Variants in FGL2 observed in about 807,000 individuals in gnomAD.
FGL2 encodes fibrinogen like 2, also known as fibroleukin.
Under a neutral mutation model 36.0 loss-of-function variants are expected in FGL2, and 21 were observed. That is an observed-to-expected ratio of 0.58 (90% CI 0.41 to 0.84). FGL2 has a LOEUF of 0.84. Among genes scored for constraint, FGL2 ranks in the 40% least tolerant of loss-of-function variants. The pLI, the probability that FGL2 is intolerant of heterozygous loss-of-function variation, is 0.00. For missense variants in FGL2, 444 were observed against 526.3 expected (o/e 0.84, Z 1.53); for synonymous variants, 183 against 190.7 (o/e 0.96, Z 0.33).
chr7:77,195,534 T>A lies in FGL2; in HGVS notation c.*745A>T, dbSNP rs1791851187. On this transcript the variant is annotated 3_prime_UTR_variant, in exon 2 of 2. Transcript: ENST00000248598. ...TGCAAAGTAAATGATATAGATTAAG[T>A]TTGTCTCAGAATGAAGATTACCCAA... is the stretch of plus-strand genomic sequence containing the variant. The A allele has an allele frequency of 6.6e-6, 1 of 152,124 alleles. No homozygotes were observed. The highest frequency in any genetic ancestry group is 1.5e-5 in the Non-Finnish European group (1 of 68,034). The allele number at this position is 152,124 out of a possible 1,614,324, so 9.4% of individuals were successfully genotyped here. A position where few individuals can be genotyped will look rare whatever the true frequency, so the allele number is the denominator to read the frequency against.
In FGL2 at chr7:77,199,376, G is replaced by A. The variant is rs1791938303; in HGVS notation, c.418C>T (p.Leu140=). 1.9e-6 allele frequency: 3 copies of A among 1,613,978 alleles called. No individual in the cohort carries two copies. The highest frequency in any genetic ancestry group is 2.5e-6 in the Non-Finnish European group (3 of 1,179,982). Residue 140 remains leucine (L), a synonymous_variant, in exon 1 of 2, where the codon CTG becomes TTG. Transcript: ENST00000248598. ...TTGGCATTCTTTAGCTCAGAGGACA[G>A]CTTGTTAACCTCACTCTCTAATTCT... ...VRELESEVNK[L]SSELKNAKEE...
intron 1 of FGL2, among the ~76,000 whole-genome samples, chr7:77,197,878 T>C (rs1456206871): frequency 1.3e-5 from 2 of 152,176 alleles, no homozygotes; most frequent in Non-Finnish European, 2.9e-5. Context: ...TAATAATCAG[T>C]TAACAAAGTT....
Position 77,196,126 on chromosome 7 carries a change from C to T in FGL2, c.*153G>A, listed in dbSNP as rs1791863971. ...GACTCCTTTAAAATGCATTGTTTTT[C>T]AGCTTTATTTCAAATGCTGTGTAGC... On this transcript the variant is annotated 3_prime_UTR_variant, in exon 2 of 2. Coordinates refer to ENST00000248598, the MANE Select transcript of FGL2 (RefSeq NM_006682.3). The surrounding 1 kb of genome is among the most constrained non-coding windows in gnomAD (Gnocchi z 4.2). 9.9e-6 allele frequency: 6 copies of T among 604,174 alleles called. No individual in the cohort carries two copies. The highest frequency in any genetic ancestry group is 1.7e-5 in the Non-Finnish European group (6 of 350,896). 37.4% of individuals were successfully genotyped at this position (604,174 alleles called of 1,614,324 possible).
In FGL2 at chr7:77,193,502, G is replaced by C. The variant is rs374947735; in HGVS notation, c.*2777C>G. 6.6e-6 allele frequency: 1 copy of C among 152,136 alleles called. No individual in the cohort carries two copies. The highest frequency in any genetic ancestry group is 2.4e-5 in the African/African-American group (1 of 41,428). 9.4% of individuals were successfully genotyped at this position (152,136 alleles called of 1,614,324 possible). A position where few individuals can be genotyped will look rare whatever the true frequency, so the allele number is the denominator to read the frequency against. ...CATAAAAGAAAAGAATTTTAAACAA[G>C]AGCTTATTGTGATGACATTACTCAT... On this transcript the variant is annotated 3_prime_UTR_variant, in exon 2 of 2. Coordinates refer to ENST00000248598, the MANE Select transcript of FGL2 (RefSeq NM_006682.3).
rs994645056 is a variant in FGL2, at chr7:77,194,611, C to T, written c.*1668G>A. The stretch of plus-strand genomic sequence containing the variant: ...TGAAAAATTAGCTTGTTACCTGAAG[C>T]AACTATCCTCCTTAATCATTTTAAA... On this transcript the variant is annotated 3_prime_UTR_variant, in exon 2 of 2. Transcript: ENST00000248598. The T allele has an allele frequency of 6.6e-6, 1 of 152,004 alleles. No individual in the cohort carries two copies. Among genetic ancestry groups the T allele is most frequent in the African/African-American group, 2.4e-5 (1 of 41,432 alleles). The allele number at this position is 152,004 out of a possible 1,614,324, so 9.4% of individuals were successfully genotyped here.
At chr7:77,198,165 G>A in intron 1 of FGL2, 1 of 985,444 alleles carries the variant, frequency 1.0e-6, no homozygotes, top group Non-Finnish European at 1.2e-6. Flanking sequence ...GGTACATTCA[G>A]ATGCAGGCTG....
intron 1 of FGL2, 115 bp downstream of exon 1, chr7:77,199,066 A>G: frequency 1.1e-6 from 1 of 906,784 alleles, no homozygotes; most frequent in Non-Finnish European, 1.7e-6. Flanking sequence ...ACCTTGATAA[A>G]TAAAAGACTT....
Position 77,199,476 on chromosome 7 carries a change from G to C in FGL2, c.318C>G (p.Asn106Lys). 1 of 1,614,074 alleles carries C rather than the reference G, an allele frequency of 6.2e-7. No homozygotes were observed. The highest frequency in any genetic ancestry group is 8.5e-7 in the Non-Finnish European group (1 of 1,180,012). Residue 106 changes from asparagine (N) to lysine (K), a missense_variant, in exon 1 of 2, where the codon AAC becomes AAG. By Grantham distance (94) the Asn-to-Lys change is moderately conservative. Transcript: ENST00000248598. ...CQDCKLQADD[N>K]GDPGRNGLLL... ...ACAGTCCGTTTCTGCCTGGGTCTCC[G>C]TTGTCATCAGCCTGCAGCTTGCAGT... is the stretch of plus-strand genomic sequence containing the variant.
In FGL2 at chr7:77,199,418, C is replaced by T. The variant is rs754376653; in HGVS notation, c.376G>A (p.Gly126Ser). Residue 126 changes from glycine to serine, a missense_variant, in exon 1 of 2, where the codon GGT (glycine) becomes AGT (serine). Coordinates refer to ENST00000248598, the MANE Select transcript of FGL2 (RefSeq NM_006682.3). The part of the protein sequence containing the change: ...LPSTGAPGEV[G>S]DNRVRELESE... ...TCTAATTCTCTAACTCTGTTATCAC[C>T]AACCTCTCCCGGGGCTCCTGTACTG... is the stretch of plus-strand genomic sequence containing the variant. The T allele has an allele frequency of 1.2e-6, 2 of 1,614,150 alleles. No homozygotes were observed. The highest frequency in any genetic ancestry group is 2.2e-5 in the South Asian group (2 of 91,088).
rs1172556179 is a variant in FGL2, at chr7:77,199,002, ATTAGG to A, written c.613+174_613+178del. The A allele has an allele frequency of 6.4e-5, 39 of 605,828 alleles. No individual in the cohort carries two copies. The East Asian group carries it at 1.1e-3, about 17-fold the overall frequency. The allele number at this position is 605,828 out of a possible 1,614,324, so 37.5% of individuals were successfully genotyped here. On this transcript the variant is annotated intron_variant, in intron 1 of 1. Coordinates refer to ENST00000248598, the MANE Select transcript of FGL2 (RefSeq NM_006682.3). The stretch of plus-strand genomic sequence containing the variant: ...TACAGAACTAACTATGATTTTTGTA[ATTAGG>A]TCATATTTATGTGGTCATATTTGAG...
In FGL2 at chr7:77,194,832, T is replaced by C. The variant is rs1041756640; in HGVS notation, c.*1447A>G. Reference sequence around the variant, plus strand: ...TCTCTGAGATGATCCCTTTTTACGATGATGAAATTAAACACATTTAAAAAG... The same window carrying C: ...TCTCTGAGATGATCCCTTTTTACGACGATGAAATTAAACACATTTAAAAAG... On this transcript the variant is annotated 3_prime_UTR_variant, in exon 2 of 2. Coordinates refer to ENST00000248598, the MANE Select transcript of FGL2 (RefSeq NM_006682.3). 9 of 152,272 alleles carry C rather than the reference T, an allele frequency of 5.9e-5. No homozygotes were observed. The highest frequency in any genetic ancestry group is 5.2e-4 in the Admixed American group (8 of 15,292). The allele number at this position is 152,272 out of a possible 1,614,324, so 9.4% of individuals were successfully genotyped here. A position where few individuals can be genotyped will look rare whatever the true frequency, so the allele number is the denominator to read the frequency against.
Position 77,196,556 on chromosome 7 carries a change from T to C in FGL2, c.1043A>G (p.His348Arg), listed in dbSNP as rs746412322. The part of the protein sequence containing the change: ...TAGDALRFNK[H>R]YNHDLKFFTT... ...GAAAAACTTCAGATCGTGGTTGTAA[T>C]GTTTGTTGAAACGTAATGCATCTCC... is the stretch of plus-strand genomic sequence containing the variant. Residue 348 changes from histidine to arginine, a missense_variant, in exon 2 of 2, where the codon CAT becomes CGT. By Grantham distance (29) the His-to-Arg change is conservative. Transcript: ENST00000248598. The surrounding 1 kb of genome is among the most constrained non-coding windows in gnomAD (Gnocchi z 4.2). 5.0e-6 allele frequency: 8 copies of C among 1,614,216 alleles called. No homozygotes were observed. The highest frequency in any genetic ancestry group is 1.3e-5 in the African/African-American group (1 of 75,066).
chr7:77,199,135 G>A (rs1422091217), intron 1 of FGL2, 46 bp downstream of exon 1: 1 of 1,516,036 alleles, frequency 6.6e-7, no homozygotes, highest in Admixed American at 1.8e-5. Flanking sequence ...CTCTCTAGCT[G>A]TATAACATTT....
rs200498515 is a variant in FGL2 at position 77,196,996 on chromosome 7, A to G, written c.614-11T>C. 1.0e-3 allele frequency: 1,511 copies of G among 1,507,488 alleles called. 5 individuals carry two copies. Among genetic ancestry groups the G allele is most frequent in the Non-Finnish European group, 1.3e-3 (1,390 of 1,097,524 alleles). The allele number at this position is 1,507,488 out of a possible 1,614,324, so 93.4% of individuals were successfully genotyped here. A position where few individuals can be genotyped will look rare whatever the true frequency, so the allele number is the denominator to read the frequency against. On this transcript the variant is annotated splice_polypyrimidine_tract_variant and intron_variant, in intron 1 of 1. Transcript: ENST00000248598. This position sits in a 1 kb window ranked among gnomAD's most constrained non-coding sequence, Gnocchi z 4.2. ...ATATTAGATGTTGAACTGAAGGGGA[A>G]ATAAAAGGAAGGCATTGGATCTTGT...
chr7:77,199,133 C>G (rs1481180201), intron 1 of FGL2, 48 bp downstream of exon 1: 1 of 1,496,584 alleles, frequency 6.7e-7, no homozygotes, highest in African/African-American at 1.4e-5. Context: ...TACTCTCTAG[C>G]TGTATAACAT....
Position 77,195,371 on chromosome 7 carries a change from G to A in FGL2, c.*908C>T, listed in dbSNP as rs920302280. On this transcript the variant is annotated 3_prime_UTR_variant, in exon 2 of 2. Coordinates refer to ENST00000248598, the MANE Select transcript of FGL2 (RefSeq NM_006682.3). ...CATTGCTTTCTGAATGCTTTTTGGG[G>A]TGACATTATGCTACCACATTTTTAA... The A allele has an allele frequency of 2.0e-5, 3 of 152,084 alleles. No individual in the cohort carries two copies. Among genetic ancestry groups the A allele is most frequent in the Non-Finnish European group, 2.9e-5 (2 of 68,006 alleles). The allele number at this position is 152,084 out of a possible 1,614,324, so 9.4% of individuals were successfully genotyped here.
At position 77,196,626 on chromosome 7, in the gene FGL2, A is replaced by C. The variant is rs752263777; in HGVS notation, c.973T>G (p.Phe325Val). Reference sequence around the variant, plus strand: ...CCAACGTGTAAACGATATTTGAGAAACTCATTAGCCACATAAAACTGATCA... The same window carrying C: ...CCAACGTGTAAACGATATTTGAGAACCTCATTAGCCACATAAAACTGATCA... ...LYDQFYVANE[F>V]LKYRLHVGNY... is the part of the protein sequence containing the mutation. Residue 325 changes from phenylalanine (F) to valine (V), a missense_variant, in exon 2 of 2, where the codon TTT becomes GTT. By Grantham distance (50) the Phe-to-Val change is conservative. Coordinates refer to ENST00000248598, the MANE Select transcript of FGL2 (RefSeq NM_006682.3). The surrounding 1 kb of genome is among the most constrained non-coding windows in gnomAD (Gnocchi z 4.2). 3.7e-6 allele frequency: 6 copies of C among 1,613,866 alleles called. No homozygotes were observed. The highest frequency in any genetic ancestry group is 5.1e-6 in the Non-Finnish European group (6 of 1,179,960).
chr7:77,193,923 G>A lies in FGL2; in HGVS notation c.*2356C>T, dbSNP rs1791818814. ...GTTAAGGCAAAAGGTTCTAGCAGAT[G>A]TAATCTATTTCCATCAACATGTTAA... is the stretch of plus-strand genomic sequence containing the variant. On this transcript the variant is annotated 3_prime_UTR_variant, in exon 2 of 2. Transcript: ENST00000248598. 6.6e-6 allele frequency: 1 copy of A among 152,526 alleles called. No individual in the cohort carries two copies. The highest frequency in any genetic ancestry group is 6.5e-5 in the Admixed American group (1 of 15,278). The allele number at this position is 152,526 out of a possible 1,614,324, so 9.4% of individuals were successfully genotyped here. A position where few individuals can be genotyped will look rare whatever the true frequency, so the allele number is the denominator to read the frequency against.
chr7:77,198,832 C>T (rs189014926), intron 1 of FGL2: 18 of 299,268 alleles, frequency 6.0e-5, no homozygotes, highest in African/African-American at 1.5e-4. Context: ...TTGTGAACAT[C>T]GCCTTATCTT....
Sources: gnomAD v4.1 joint callset for allele counts (sites outside exome capture counted in the v4.1 genomes callset) on GRCh38, gnomAD v4.1.1 for gene constraint, Gnocchi (gnomAD v3.1) non-coding constraint, MANE v1.5 for transcripts, NCBI Gene and HGNC (gene_info 2026-07-23, HGNC 2026-07-21) for gene names.